ADARB2: variants seen among roughly 807,000 people sequenced by gnomAD.
ADARB2 encodes the protein adenosine deaminase RNA specific B2 (inactive).
ADARB2 carries 25 observed loss-of-function variants against 62.2 expected under a neutral mutation model. The observed-to-expected ratio is 0.40, with a 90% confidence interval of 0.29 to 0.56. The LOEUF (loss-of-function observed/expected upper bound fraction) is 0.56, where lower values mean the gene tolerates loss of function less well. Among genes scored for constraint, ADARB2 ranks in the 20% least tolerant of loss-of-function variants. The pLI, the probability that ADARB2 is intolerant of heterozygous loss-of-function variation, is 0.43. For synonymous variants in ADARB2, 572 were observed against 500.8 expected, an observed-to-expected ratio of 1.14 and a Z score of -1.90; for missense variants, 1,071 against 1,077.4, an observed-to-expected ratio of 0.99 and a Z score of 0.08.
At chr10:1,475,041 C>T (rs775625926) in intron 1 of ADARB2, among the ~76,000 whole-genome samples, 8 of 152,040 alleles carry the variant, frequency 5.3e-5, no homozygotes, top group African/African-American at 9.7e-5. Context: ...GGGACCCCCA[C>T]GGGCCGCTGC....
chr10:1,409,355 G>C (rs898110579), intron 1 of ADARB2, among the ~76,000 whole-genome samples: 1 of 152,246 alleles, frequency 6.6e-6, no homozygotes, highest in African/African-American at 2.4e-5. Context: ...TCTCTTTTCA[G>C]ATGTTTCATC....
chr10:1,406,388 C>T (rs905804192), intron 1 of ADARB2, among the ~76,000 whole-genome samples: 2 of 152,062 alleles, frequency 1.3e-5, no homozygotes, highest in East Asian at 1.9e-4. Context: ...CGTGTGGGCT[C>T]GGTACCCGGG....
intron 1 of ADARB2, among the ~76,000 whole-genome samples, chr10:1,430,676 G>A (rs942774873): frequency 1.3e-5 from 2 of 152,048 alleles, no homozygotes; most frequent in South Asian, 2.1e-4. Context: ...GGAGGCGGAG[G>A]TTGCAGTGAG....
At chr10:1,603,400 T>A (rs1471660734) in intron 1 of ADARB2, among the ~76,000 whole-genome samples, 1 of 152,022 alleles carries the variant, frequency 6.6e-6, no homozygotes, top group Non-Finnish European at 1.5e-5. Flanking sequence ...CACCTCGAGG[T>A]CCTGAGTAGG....
rs1036133029 is a variant in ADARB2 at position 1,242,126 on chromosome 10, C to T, written c.1361+5G>A. ...CTTCCCTGGAGCCCGTCCCCAGCCG[C>T]TCACCTCAGGTGCAGCTCCAGCTGC... is the stretch of plus-strand genomic sequence containing the variant. On this transcript the variant is annotated splice_donor_5th_base_variant and intron_variant, in intron 5 of 9. Coordinates refer to ENST00000381312, the MANE Select transcript of ADARB2 (RefSeq NM_018702.4). The T allele has an allele frequency of 6.3e-7, 1 of 1,597,504 alleles. No homozygotes were observed. Among genetic ancestry groups the T allele is most frequent in the Non-Finnish European group, 8.5e-7 (1 of 1,172,960 alleles).
At position 1,446,908 on chromosome 10, in the gene ADARB2, C is replaced by T. The variant is rs377063781; in HGVS notation, c.101-67748G>A. Among the ~76,000 whole-genome samples the T allele has an allele frequency of 2.2e-4, 34 of 152,246 alleles. No individual in the cohort carries two copies. The South Asian group carries it at 3.5e-3, about 16-fold the overall frequency. On this transcript the variant is annotated intron_variant, in intron 1 of 9. Transcript: ENST00000381312. ...GATGGCCTCAGAGGGTTTCGACCTA[C>T]GCAATTGTCAAGGGTTTATTTCATT...
At chr10:1,585,829 T>C (rs1833169047) in intron 1 of ADARB2, among the ~76,000 whole-genome samples, 2 of 152,128 alleles carry the variant, frequency 1.3e-5, no homozygotes, top group South Asian at 2.1e-4. Flanking sequence ...GGTCAGGAGA[T>C]CGAGACCATC....
intron 1 of ADARB2, among the ~76,000 whole-genome samples, chr10:1,643,495 G>A (rs1441167082): frequency 1.3e-5 from 2 of 152,174 alleles, no homozygotes; most frequent in African/African-American, 4.8e-5. Context: ...GGGGGCTAGG[G>A]TTACTTCATG....
intron 1 of ADARB2, among the ~76,000 whole-genome samples, chr10:1,583,257 G>C (rs1240677575): frequency 2.6e-5 from 4 of 152,162 alleles, no homozygotes; most frequent in African/African-American, 9.7e-5. Flanking sequence ...GGATGGCAAG[G>C]GGTCACTGTC....
At chr10:1,708,387 A>C (rs770005750) in intron 1 of ADARB2, among the ~76,000 whole-genome samples, 1 of 152,194 alleles carries the variant, frequency 6.6e-6, no homozygotes. Context: ...TCCTCAAAGG[A>C]AAGAATGCAT....
At chr10:1,467,611 C>T (rs1831268962) in intron 1 of ADARB2, among the ~76,000 whole-genome samples, 1 of 152,152 alleles carries the variant, frequency 6.6e-6, no homozygotes, top group Non-Finnish European at 1.5e-5. Flanking sequence ...GACACTGTGC[C>T]CAGCAAAACC....
At chr10:1,383,002 G>A (rs1283488639) in intron 1 of ADARB2, among the ~76,000 whole-genome samples, 2 of 152,232 alleles carry the variant, frequency 1.3e-5, no homozygotes, top group South Asian at 4.1e-4. Context: ...AGAGTCAAGA[G>A]TCTTTTTCAG....
intron 1 of ADARB2, among the ~76,000 whole-genome samples, chr10:1,483,360 G>A (rs996098065): frequency 6.6e-6 from 1 of 152,200 alleles, no homozygotes; most frequent in African/African-American, 2.4e-5. Flanking sequence ...CCCCGTTACT[G>A]AAACCACACT....
chr10:1,507,058 A>G (rs1831861581), intron 1 of ADARB2, among the ~76,000 whole-genome samples: 1 of 152,224 alleles, frequency 6.6e-6, no homozygotes, highest in South Asian at 2.1e-4. Context: ...TAAGCCACCC[A>G]GTCTGTGCCC....
intron 1 of ADARB2, among the ~76,000 whole-genome samples, chr10:1,495,765 T>C (rs72764928): frequency 0.16 from 23,802 of 151,898 alleles, 2,196 homozygotes; most frequent in Middle Eastern, 0.23. Flanking sequence ...ATCATTATCA[T>C]TGTTATCATC....
intron 1 of ADARB2, among the ~76,000 whole-genome samples, chr10:1,425,887 C>T (rs1337579854): frequency 3.3e-5 from 5 of 152,168 alleles, no homozygotes; most frequent in Non-Finnish European, 7.3e-5. Context: ...CACAGCCTTC[C>T]AACTGCAACT....
At chr10:1,349,644 C>T (rs993845589) in intron 3 of ADARB2, among the ~76,000 whole-genome samples, 15 of 152,114 alleles carry the variant, frequency 9.9e-5, no homozygotes, top group African/African-American at 4.8e-5. Flanking sequence ...TCAATCTTGG[C>T]GCCACCCTTC....
chr10:1,440,542 G>T (rs1192730376), intron 1 of ADARB2, among the ~76,000 whole-genome samples: 4 of 151,696 alleles, frequency 2.6e-5, no homozygotes, highest in Admixed American at 1.3e-4. Flanking sequence ...TCATGATAAT[G>T]AATGACATCA....
At chr10:1,352,760 A>G (rs1832155715) in intron 3 of ADARB2, among the ~76,000 whole-genome samples, 1 of 152,122 alleles carries the variant, frequency 6.6e-6, no homozygotes, top group Non-Finnish European at 1.5e-5. Context: ...TGAGTCTCCC[A>G]CAATTACCAT....
Sources: allele counts gnomAD v4.1 joint callset (sites outside exome capture counted in the v4.1 genomes callset), GRCh38; gene constraint gnomAD v4.1.1; transcripts MANE v1.5; gene names NCBI Gene and HGNC (gene_info 2026-07-23, HGNC 2026-07-21).